EYA4: variants seen among roughly 807,000 people sequenced by gnomAD.
EYA4 encodes protein phosphatase EYA4.
EYA4 carries 31 observed loss-of-function variants against 87.9 expected under a neutral mutation model. The ratio of observed to expected loss-of-function variants is 0.35; its 90% CI spans 0.27 to 0.48. The LOEUF (loss-of-function observed/expected upper bound fraction) is 0.48, where lower values mean the gene tolerates loss of function less well. Ranked by LOEUF, EYA4 falls within the 20% of genes least tolerant of loss-of-function variation. The probability of loss-of-function intolerance (pLI) is 0.99; values close to 1 mark genes in which losing one functional copy is unlikely to be tolerated. For synonymous variants in EYA4, 263 were observed against 270.6 expected, an observed-to-expected ratio of 0.97 and a Z score of 0.28; for missense variants, 678 against 761.4, an observed-to-expected ratio of 0.89 and a Z score of 1.29.
At chr6:133,519,365 A>G (rs1183779411) in intron 17 of EYA4, among the ~76,000 whole-genome samples, 1 of 151,914 alleles carries the variant, frequency 6.6e-6, no homozygotes, top group Non-Finnish European at 1.5e-5. Context: ...TACTACAAAC[A>G]CCTCTACGCA....
chr6:133,521,341 G>T (rs1384969803), intron 17 of EYA4, among the ~76,000 whole-genome samples: 1 of 148,508 alleles, frequency 6.7e-6, no homozygotes, highest in South Asian at 2.1e-4. Context: ...AGACATTTAT[G>T]CAGCCAAAAA....
intron 19 of EYA4, 23 bp from the exon 20 acceptor site, chr6:133,528,702 C>G: frequency 6.6e-7 from 1 of 1,526,166 alleles, no homozygotes; most frequent in Non-Finnish European, 9.1e-7. Flanking sequence ...TCTCTCCCAT[C>G]CCTCCTTCTC....
rs1476872136 is a variant in EYA4, at chr6:133,481,495, C to T, written c.1003C>T (p.Pro335Ser). The change falls in exon 12 of 20, where the codon CCC (proline) becomes TCC (serine). Residue 335 changes from proline to serine, a missense_variant. Transcript: ENST00000355286. ...CGATACCATGCAGAGTCCCTCCACA[C>T]CCATCAAAGATCTTGATGAGAGAAC... ...EFDTMQSPST[P>S]IKDLDERTCR... 6.2e-7 allele frequency: 1 copy of T among 1,613,880 alleles called. No individual in the cohort carries two copies. Among genetic ancestry groups the T allele is most frequent in the South Asian group, 1.1e-5 (1 of 91,076 alleles).
At chr6:133,328,977 C>T (rs1158421900) in intron 2 of EYA4, among the ~76,000 whole-genome samples, 1 of 152,082 alleles carries the variant, frequency 6.6e-6, no homozygotes, top group Non-Finnish European at 1.5e-5. Context: ...TTTTCCCACT[C>T]AGTGTGTTTC....
chr6:133,430,437 G>A (rs1318685661), intron 3 of EYA4, among the ~76,000 whole-genome samples: 1 of 152,158 alleles, frequency 6.6e-6, no homozygotes, highest in Non-Finnish European at 1.5e-5. Flanking sequence ...AGGTAGAACT[G>A]TGTTTTTTAC....
chr6:133,484,604 T>C (rs1284152561), intron 13 of EYA4, among the ~76,000 whole-genome samples: 1 of 152,232 alleles, frequency 6.6e-6, no homozygotes, highest in Non-Finnish European at 1.5e-5. Context: ...ATCCTACTAC[T>C]GATTAAGTGT....
chr6:133,346,569 T>G (rs916771704), intron 2 of EYA4, among the ~76,000 whole-genome samples: 4 of 152,230 alleles, frequency 2.6e-5, no homozygotes, highest in African/African-American at 9.6e-5. Flanking sequence ...TTTGTGCAGT[T>G]CCTTAATTAC....
chr6:133,431,891 GA>G (rs1791212666), intron 3 of EYA4, among the ~76,000 whole-genome samples: 1 of 151,528 alleles, frequency 6.6e-6, no homozygotes, highest in South Asian at 2.1e-4. Context: ...TTTCATTTTG[GA>G]AAATAAGTGA....
At chr6:133,384,830 G>A (rs1786556850) in intron 3 of EYA4, among the ~76,000 whole-genome samples, 1 of 152,160 alleles carries the variant, frequency 6.6e-6, no homozygotes, top group East Asian at 1.9e-4. Flanking sequence ...GACACAAAAA[G>A]GATACAAGAA....
chr6:133,245,663 T>G (rs1248042706), intron 1 of EYA4, among the ~76,000 whole-genome samples: 1 of 152,210 alleles, frequency 6.6e-6, no homozygotes, highest in Non-Finnish European at 1.5e-5. Context: ...ATATGTGTAA[T>G]GCTGCATCTT....
intron 2 of EYA4, among the ~76,000 whole-genome samples, chr6:133,339,009 A>G (rs1456832829): frequency 6.6e-6 from 1 of 152,086 alleles, no homozygotes; most frequent in African/African-American, 2.4e-5. Flanking sequence ...TTATCAGTAA[A>G]CCTTATTAGG....
intron 13 of EYA4, among the ~76,000 whole-genome samples, chr6:133,503,666 T>G (rs904343688): frequency 1.3e-5 from 2 of 152,178 alleles, no homozygotes; most frequent in Non-Finnish European, 2.9e-5. Context: ...GCAGAATAGT[T>G]TCATAGAATA....
intron 3 of EYA4, among the ~76,000 whole-genome samples, chr6:133,415,376 C>T (rs1411427096): frequency 2.5e-4 from 38 of 152,114 alleles, no homozygotes; most frequent in Admixed American, 2.5e-3. Context: ...CCAATGCAGC[C>T]TAGCCCCCCA....
intron 2 of EYA4, among the ~76,000 whole-genome samples, chr6:133,337,710 A>G (rs1782479393): frequency 6.6e-6 from 1 of 152,202 alleles, no homozygotes; most frequent in African/African-American, 2.4e-5. Flanking sequence ...AAGACAAATA[A>G]TAAACTCTTT....
In EYA4 at chr6:133,530,866, T is replaced by A; in HGVS notation, c.*2061T>A. The A allele has an allele frequency of 9.7e-7, 1 of 1,029,258 alleles. No individual in the cohort carries two copies. The highest frequency in any genetic ancestry group is 1.7e-5 in the African/African-American group (1 of 59,248). 63.8% of individuals were successfully genotyped at this position (1,029,258 alleles called of 1,614,324 possible). On this transcript the variant is annotated 3_prime_UTR_variant, in exon 20 of 20. Coordinates refer to ENST00000355286, the MANE Select transcript of EYA4 (RefSeq NM_004100.5). ...ATAAAAATAATGATAGTAAATCTTATACTTCTGTTGGCCCTTAGCTTGAAA... is the reference window on the plus strand; with the variant it reads ...ATAAAAATAATGATAGTAAATCTTAAACTTCTGTTGGCCCTTAGCTTGAAA...
intron 2 of EYA4, among the ~76,000 whole-genome samples, chr6:133,347,544 G>A (rs887286033): frequency 1.3e-5 from 2 of 152,060 alleles, no homozygotes; most frequent in Non-Finnish European, 2.9e-5. Context: ...TAGGAAATAC[G>A]GAAAAGGGCA....
chr6:133,468,163 C>T (rs1487020677), intron 10 of EYA4, among the ~76,000 whole-genome samples: 3 of 151,844 alleles, frequency 2.0e-5, no homozygotes, highest in African/African-American at 7.3e-5. Context: ...GAGGGGCAGC[C>T]CCAACTCCTT....
At chr6:133,373,827 AGTATCAAGG>A (rs1411285621) in intron 2 of EYA4, among the ~76,000 whole-genome samples, 20 of 152,134 alleles carry the variant, frequency 1.3e-4, no homozygotes, top group Non-Finnish European at 5.9e-5. Flanking sequence ...ATTTATGCAT[AGTATCAAGG>A]CTGGACAATC....
At chr6:133,480,996 A>G (rs1367139755) in intron 11 of EYA4, among the ~76,000 whole-genome samples, 1 of 151,958 alleles carries the variant, frequency 6.6e-6, no homozygotes, top group Non-Finnish European at 1.5e-5. Context: ...GGAAGGGAAG[A>G]TGGGAGAGGT....
Sources: gnomAD v4.1 joint callset for allele counts (sites outside exome capture counted in the v4.1 genomes callset) on GRCh38, gnomAD v4.1.1 for gene constraint, MANE v1.5 for transcripts, NCBI Gene and HGNC (gene_info 2026-07-23, HGNC 2026-07-21) for gene names.